COL6A5: variants seen among roughly 807,000 people sequenced by gnomAD.
COL6A5 encodes the protein collagen alpha-5(VI) chain.
In COL6A5, 48 loss-of-function variants were observed where a neutral mutation model predicts 65.6. That is an observed-to-expected ratio of 0.73 (90% CI 0.58 to 0.93). The LOEUF is 0.93. COL6A5 is among the 40% of genes least tolerant of loss of function. COL6A5 has a pLI of 0.00. For missense variants in COL6A5, 914 were observed against 928.3 expected (o/e 0.98, Z 0.20); for synonymous variants, 291 against 322.8 (o/e 0.90, Z 1.05).
At chr3:130,451,208 C>T (rs569475535) in intron 4 of COL6A5, among the ~76,000 whole-genome samples, 77 of 152,202 alleles carry the variant, frequency 5.1e-4, no homozygotes, top group African/African-American at 1.8e-3. Flanking sequence ...TAAGTCCATG[C>T]GTCTAATCCA....
At chr3:130,431,420 T>G (rs1160932463), upstream of COL6A5, 10 of 1,544,196 alleles carry the variant, frequency 6.5e-6, no homozygotes, top group Admixed American at 2.0e-4. Context: ...GAAAGGATTT[T>G]GATCCAGTGA....
chr3:130,440,220 A>G, exon 3 of COL6A5: 3 of 1,613,234 alleles, frequency 1.9e-6, no homozygotes, highest in Non-Finnish European at 2.5e-6. Flanking sequence ...GAAGATTCAT[A>G]CATGGATGTA....
At chr3:130,461,649 T>C (rs531208900) in intron 5 of COL6A5, among the ~76,000 whole-genome samples, 136 of 152,166 alleles carry the variant, frequency 8.9e-4, no homozygotes, top group Admixed American at 2.6e-3. Flanking sequence ...TGAGGAGATA[T>C]ATCCAATGGC....
Position 130,469,500 on chromosome 3 carries a change from T to A in COL6A5, c.2231+19T>A. 6.4e-7 allele frequency: 1 copy of A among 1,569,498 alleles called. No homozygotes were observed. The highest frequency in any genetic ancestry group is 1.2e-5 in the South Asian group (1 of 86,204). ...ATCAGACGTAAGTCATTAATTCTCT[T>A]TGATTGCTTTTGCAATAGATTTAAT... On this transcript the variant is annotated intron_variant, in intron 6 of 7. Coordinates refer to ENST00000512836, the Ensembl canonical transcript of COL6A5.
At position 130,457,855 on chromosome 3, in the gene COL6A5, T is replaced by C. The variant is rs181696388; in HGVS notation, c.1544+2189T>C. Among the ~76,000 whole-genome samples the C allele has an allele frequency of 1.7e-3, 255 of 152,272 alleles. 1 individual carries two copies. The highest frequency in any genetic ancestry group is 5.8e-3 in the African/African-American group (242 of 41,580). On this transcript the variant is annotated intron_variant, in intron 5 of 7. Transcript: ENST00000512836. Reference sequence around the variant, plus strand: ...AGATATTTTATTCAGTCACTCAGAATGAGCTTTGATAAGTTCCAGATGTAT... The same window carrying C: ...AGATATTTTATTCAGTCACTCAGAACGAGCTTTGATAAGTTCCAGATGTAT...
chr3:130,345,716 AGCCAG>A, exon 1 of COL6A5: 1 of 398,722 alleles, frequency 2.5e-6, no homozygotes. Context: ...CCCAGGGAAG[AGCCAG>A]GCCAAGGGCA....
rs1226709435 is a variant in COL6A5, at chr3:130,414,149, G to A, written c.4761+18G>A. ...GCCCACAGGTGTGTTGGAATATTTT[G>A]TAAATATTGATAAATGCTGTAAAGT... On this transcript the variant is annotated intron_variant and NMD_transcript_variant, in intron 22 of 41. Transcript: ENST00000312481. 2.0e-6 allele frequency: 3 copies of A among 1,519,258 alleles called. No individual in the cohort carries two copies. In the African/African-American group the frequency reaches 4.1e-5, roughly 21 times the overall value. The allele number at this position is 1,519,258 out of a possible 1,614,324, so 94.1% of individuals were successfully genotyped here.
At chr3:130,472,732 C>G (rs1473486583) in intron 7 of COL6A5, among the ~76,000 whole-genome samples, 1 of 150,170 alleles carries the variant, frequency 6.7e-6, no homozygotes, top group Non-Finnish European at 1.5e-5. Context: ...AAATGCTCAA[C>G]AGCAGAATTA....
exon 17 of COL6A5, chr3:130,406,298 GA>G: frequency 1.3e-6 from 2 of 1,548,672 alleles, no homozygotes; most frequent in Non-Finnish European, 1.7e-6. Flanking sequence ...AATAAAAGGA[GA>G]AAAAGGTGAT....
At chr3:130,362,289 C>T (rs1465784529) in intron 1 of COL6A5, among the ~76,000 whole-genome samples, 6 of 12,530 alleles carry the variant, frequency 4.8e-4, no homozygotes, top group East Asian at 2.9e-3. Flanking sequence ...TGTCTTTCTC[C>T]ATATATATAT....
chr3:130,376,427 C>T (rs1935773492), exon 3 of COL6A5: 1 of 1,613,088 alleles, frequency 6.2e-7, no homozygotes, highest in Non-Finnish European at 8.5e-7. Context: ...ATCTGAGCAC[C>T]TTCAAAGGCA....
chr3:130,430,300 T>C (rs929504273), upstream of COL6A5, among the ~76,000 whole-genome samples: 2 of 152,244 alleles, frequency 1.3e-5, no homozygotes, highest in African/African-American at 4.8e-5. Flanking sequence ...TTCTATTGTT[T>C]ATTATCAGCT....
At chr3:130,366,688 A>C (rs947804661) in intron 1 of COL6A5, among the ~76,000 whole-genome samples, 2 of 152,192 alleles carry the variant, frequency 1.3e-5, no homozygotes, top group African/African-American at 4.8e-5. Flanking sequence ...TTATACTCTG[A>C]AGTGCTGTAT....
Position 130,388,891 on chromosome 3 carries a change from C to T in COL6A5, c.2173C>T (p.Arg725Cys), listed in dbSNP as rs528984870. 2.8e-5 allele frequency: 43 copies of T among 1,548,248 alleles called. No individual in the cohort carries two copies. The highest frequency in any genetic ancestry group is 5.5e-5 in the African/African-American group (4 of 72,718). The change falls in exon 6 of 42, where the codon CGT becomes TGT. Residue 725 changes from arginine to cysteine, a missense_variant and NMD_transcript_variant. Coordinates refer to the COL6A5 transcript ENST00000312481. ...ATACTTCACCCACTCCAAGGGGGCC[C>T]GTTTGGGGGCCAAAAAATTTCTCAT...
chr3:130,415,077 G>A (rs538993112), intron 22 of COL6A5, among the ~76,000 whole-genome samples: 1 of 152,170 alleles, frequency 6.6e-6, no homozygotes, highest in East Asian at 1.9e-4. Flanking sequence ...GATGGCTCCT[G>A]GGCAGCCCAG....
At position 130,469,848 on chromosome 3, in the gene COL6A5, T is replaced by G. The variant is rs1577540427; in HGVS notation, c.2231+367T>G. ...AAGTGAAAAGACTGAGATTCAGAAA[T>G]GTTAAATAAAGTGCTTAAAATCTCA... On this transcript the variant is annotated intron_variant, in intron 6 of 7. Coordinates refer to ENST00000512836, the Ensembl canonical transcript of COL6A5. Among the ~76,000 whole-genome samples, 3 of 152,174 alleles carry G rather than the reference T, an allele frequency of 2.0e-5. No individual in the cohort carries two copies. In the East Asian group the frequency reaches 5.8e-4, roughly 30 times the overall value.
intron 1 of COL6A5, among the ~76,000 whole-genome samples, chr3:130,363,365 G>A (rs1935210671): frequency 6.6e-6 from 1 of 152,170 alleles, no homozygotes; most frequent in Non-Finnish European, 1.5e-5. Flanking sequence ...GGTATGGAGT[G>A]AGAAGAAGCA....
rs1428439634 is a variant in COL6A5, at chr3:130,425,044, C to G, written c.5163+1144C>G. Among the ~76,000 whole-genome samples, 3 of 152,282 alleles carry G rather than the reference C, an allele frequency of 2.0e-5. No individual in the cohort carries two copies. The East Asian group carries it at 5.8e-4, about 29-fold the overall frequency. The stretch of plus-strand genomic sequence containing the variant: ...TGATTCTCTGTAAAATGTGGACTGT[C>G]TACTCTGTGTATTAGCCAGAAACTG... On this transcript the variant is annotated intron_variant and NMD_transcript_variant, in intron 29 of 41. Transcript: ENST00000312481.
At chr3:130,422,972 T>C (rs1937542367) in intron 28 of COL6A5, among the ~76,000 whole-genome samples, 190 bp downstream of exon 28, 2 of 152,122 alleles carry the variant, frequency 1.3e-5, no homozygotes, top group African/African-American at 4.8e-5. Flanking sequence ...TAGTGACATC[T>C]AAGGTCACAT....
Sources: allele counts gnomAD v4.1 joint callset (sites outside exome capture counted in the v4.1 genomes callset), GRCh38; gene constraint gnomAD v4.1.1; transcripts MANE v1.5; gene names NCBI Gene and HGNC (gene_info 2026-07-23, HGNC 2026-07-21).